The following GIPR variants were observed in gnomAD, a reference collection of about 807,000 sequenced individuals.
GIPR encodes gastric inhibitory polypeptide receptor, also known as GIP-R.
A neutral mutation model predicts 62.2 loss-of-function variants in GIPR; 74 were observed. That is an observed-to-expected ratio of 1.19 (90% confidence interval 0.99 to 1.44). The LOEUF is 1.44. GIPR is among the 40% of genes most tolerant of loss of function. GIPR has a pLI of 0.00. For synonymous variants in GIPR, 256 were observed against 262.2 expected (o/e 0.98, Z 0.23); for missense variants, 664 against 611.8 (o/e 1.09, Z -0.90).
intron 7 of GIPR, chr19:45,675,052 C>T (rs769830591): frequency 8.7e-6 from 5 of 575,540 alleles, no homozygotes; most frequent in African/African-American, 1.9e-5. Context: ...CACTCCCATA[C>T]TGGAATTTTC....
Position 45,682,150 on chromosome 19 carries a change from AG to A in GIPR, c.*220del, listed in dbSNP as rs1287745345. 4 of 578,650 alleles carry A rather than the reference AG, an allele frequency of 6.9e-6. No homozygotes were observed. Among genetic ancestry groups the A allele is most frequent in the African/African-American group, 3.9e-5 (2 of 51,214 alleles). 35.8% of individuals were successfully genotyped at this position (578,650 alleles called of 1,614,324 possible). ...GGAATGGTTATGAAGGGAAGCGAGA[AG>A]GGGGCCTAGGGTGGTCTGGGAGGCG... On this transcript the variant is annotated 3_prime_UTR_variant, in exon 14 of 14. Transcript: ENST00000590918.
In GIPR at chr19:45,674,813, C is replaced by T. The variant is rs1800436; in HGVS notation, c.620C>T (p.Ala207Val). The change falls in exon 7 of 14, where the codon GCG (alanine) becomes GTG (valine). Residue 207 changes from alanine to valine, a missense_variant. Physicochemically the swap from Ala to Val is moderately conservative, Grantham distance 64. Coordinates refer to ENST00000590918, the MANE Select transcript of GIPR (RefSeq NM_000164.4). ...PGPYLGDQALALWNQALAACR... is the reference protein window; with the variant it reads ...PGPYLGDQALVLWNQALAACR... ...CCCTACCTTGGGGACCAGGCCCTTG[C>T]GCTGTGGAACCAGGTGGGCATCCTC... 8,173 of 1,613,940 alleles carry T rather than the reference C, an allele frequency of 5.1e-3. 27 individuals carry two copies. Among genetic ancestry groups the T allele is most frequent in the Non-Finnish European group, 6.4e-3 (7,580 of 1,179,872 alleles).
chr19:45,675,088 C>A, intron 7 of GIPR: 1 of 468,414 alleles, frequency 2.1e-6, no homozygotes, highest in Non-Finnish European at 4.1e-6. Flanking sequence ...TTATTTCACC[C>A]ATCATTGAAC....
Position 45,677,797 on chromosome 19 carries a change from T to C in GIPR, c.924+18T>C. On this transcript the variant is annotated intron_variant, in intron 10 of 13. Coordinates refer to ENST00000590918, the MANE Select transcript of GIPR (RefSeq NM_000164.4). ...CCATCTTGGTAGGATCGGTCCCGCCTCCACCAGGCCGCCCTCAGGGATTTC... is the reference window on the plus strand; with the variant it reads ...CCATCTTGGTAGGATCGGTCCCGCCCCCACCAGGCCGCCCTCAGGGATTTC... The C allele has an allele frequency of 6.2e-7, 1 of 1,609,058 alleles. No homozygotes were observed. Among genetic ancestry groups the C allele is most frequent in the Non-Finnish European group, 8.5e-7 (1 of 1,175,456 alleles).
intron 12 of GIPR, 113 bp downstream of exon 12, chr19:45,678,339 G>A: frequency 1.6e-5 from 19 of 1,183,982 alleles, no homozygotes; most frequent in Non-Finnish European, 2.2e-5. Context: ...TGGGAAGATG[G>A]GATTTAGTTC....
At position 45,678,192 on chromosome 19, in the gene GIPR, A is replaced by G. The variant is rs1283055836; in HGVS notation, c.1118A>G (p.Lys373Arg). The change falls in exon 12 of 14, where the codon AAG becomes AGG. Residue 373 changes from lysine to arginine, a missense_variant. Physicochemically the swap from Lys to Arg is conservative, Grantham distance 26. Coordinates refer to ENST00000590918, the MANE Select transcript of GIPR (RefSeq NM_000164.4). Reference protein sequence around the residue: ...EQARGALRFAKLGFEIFLSSF... With the variant: ...EQARGALRFARLGFEIFLSSF... The stretch of plus-strand genomic sequence containing the variant: ...GCCCGGGGCGCCCTGCGCTTCGCCA[A>G]GCTCGGCTTTGAGATCTTCCTCAGC... 28 of 1,586,130 alleles carry G rather than the reference A, an allele frequency of 1.8e-5. No individual in the cohort carries two copies. The East Asian group carries it at 4.4e-4, about 25-fold the overall frequency.
rs1046450682 is a variant in GIPR, at chr19:45,670,865, C to T, written c.172+131C>T. 5 of 634,702 alleles carry T rather than the reference C, an allele frequency of 7.9e-6. No homozygotes were observed. The African/African-American group carries it at 9.2e-5, about 12-fold the overall frequency. The allele number at this position is 634,702 out of a possible 1,614,324, so 39.3% of individuals were successfully genotyped here. A position where few individuals can be genotyped will look rare whatever the true frequency, so the allele number is the denominator to read the frequency against. On this transcript the variant is annotated intron_variant, in intron 3 of 13. Coordinates refer to ENST00000590918, the MANE Select transcript of GIPR (RefSeq NM_000164.4). ...GGGCTGGAGAGGCCCGGGGACTGAC[C>T]TGAGCATGGTGGGAACTGGGGCGGG...
chr19:45,674,943 G>A, intron 7 of GIPR, 117 bp downstream of exon 7: 1 of 1,075,434 alleles, frequency 9.3e-7, no homozygotes, highest in Non-Finnish European at 1.4e-6. Flanking sequence ...AGTTGGGAGG[G>A]TCCCTCTCCA....
intron 5 of GIPR, 38 bp from the exon 6 acceptor site, chr19:45,674,036 G>A (rs1258269256): frequency 1.6e-6 from 2 of 1,239,854 alleles, no homozygotes; most frequent in Admixed American, 3.4e-5. Context: ...GGGGCTTCGA[G>A]CCAAGCCTTG....
intron 6 of GIPR, 172 bp downstream of exon 6, chr19:45,674,349 T>C (rs1457987862): frequency 5.8e-6 from 4 of 687,622 alleles, no homozygotes; most frequent in African/African-American, 1.8e-5. Flanking sequence ...GGCTGATGCC[T>C]GTAATCCCAG....
At chr19:45,669,854 C>A (rs1975444806) in intron 2 of GIPR, among the ~76,000 whole-genome samples, 1 of 150,562 alleles carries the variant, frequency 6.6e-6, no homozygotes, top group African/African-American at 2.4e-5. Context: ...AAGGCTGAGG[C>A]AGGAGAATCG....
chr19:45,680,581 G>A (rs1389928676), intron 12 of GIPR, among the ~76,000 whole-genome samples: 2 of 151,822 alleles, frequency 1.3e-5, no homozygotes, highest in East Asian at 3.9e-4. Flanking sequence ...TGTAATCCTA[G>A]CACTTTGGGA....
At position 45,678,349 on chromosome 19, in the gene GIPR, C is replaced by G. The variant is rs1016734943; in HGVS notation, c.1152+123C>G. The G allele has an allele frequency of 1.6e-5, 17 of 1,076,184 alleles. No homozygotes were observed. In the African/African-American group the frequency reaches 2.4e-4, roughly 15 times the overall value. The allele number at this position is 1,076,184 out of a possible 1,614,324, so 66.7% of individuals were successfully genotyped here. A position where few individuals can be genotyped will look rare whatever the true frequency, so the allele number is the denominator to read the frequency against. The stretch of plus-strand genomic sequence containing the variant: ...TGGGGTGGGAAGATGGGATTTAGTT[C>G]GTTCATTAATTAATTCATTCTTTTT... On this transcript the variant is annotated intron_variant, in intron 12 of 13. Coordinates refer to ENST00000590918, the MANE Select transcript of GIPR (RefSeq NM_000164.4).
chr19:45,677,691 T>A lies in GIPR; in HGVS notation c.855-19T>A, dbSNP rs1226605590. On this transcript the variant is annotated intron_variant, in intron 9 of 13. Coordinates refer to ENST00000590918, the MANE Select transcript of GIPR (RefSeq NM_000164.4). ...GTCTAGAGTTTTTCTATCTCTTAGCTCTACTCCGCCTTCCCCAGGTGCTGG... is the reference window on the plus strand; with the variant it reads ...GTCTAGAGTTTTTCTATCTCTTAGCACTACTCCGCCTTCCCCAGGTGCTGG... The A allele has an allele frequency of 6.2e-7, 1 of 1,601,912 alleles. No homozygotes were observed. The highest frequency in any genetic ancestry group is 2.2e-5 in the East Asian group (1 of 44,752).
intron 4 of GIPR, 92 bp from the exon 5 acceptor site, chr19:45,672,759 C>T: frequency 1.3e-6 from 1 of 759,006 alleles, no homozygotes; most frequent in Non-Finnish European, 2.4e-6. Flanking sequence ...ACCACTTCGG[C>T]TCTCTCCCTC....
intron 1 of GIPR, among the ~76,000 whole-genome samples, chr19:45,668,594 G>A (rs1317711617): frequency 6.6e-6 from 1 of 152,030 alleles, no homozygotes; most frequent in Non-Finnish European, 1.5e-5. Flanking sequence ...TCTCTGGCTG[G>A]GGGTCTCATT....
At chr19:45,674,303 G>A (rs1975716812) in intron 6 of GIPR, 126 bp downstream of exon 6, 3 of 765,074 alleles carry the variant, frequency 3.9e-6, no homozygotes. Context: ...GGAGCAGTGG[G>A]GGTGGTTAAA....
chr19:45,682,028 G>A lies in GIPR; in HGVS notation c.*93G>A. On this transcript the variant is annotated 3_prime_UTR_variant, in exon 14 of 14. Coordinates refer to ENST00000590918, the MANE Select transcript of GIPR (RefSeq NM_000164.4). ...GTACGGAGGACGCTGGGGAAATGGT[G>A]AAGGAAACAGAAAAAAGGTCCCTGC... The A allele has an allele frequency of 9.0e-7, 1 of 1,116,026 alleles. No individual in the cohort carries two copies. 69.1% of individuals were successfully genotyped at this position (1,116,026 alleles called of 1,614,324 possible). A position where few individuals can be genotyped will look rare whatever the true frequency, so the allele number is the denominator to read the frequency against.
intron 6 of GIPR, 31 bp downstream of exon 6, chr19:45,674,208 G>A (rs754873034): frequency 7.2e-7 from 1 of 1,390,242 alleles, no homozygotes; most frequent in Non-Finnish European, 1.0e-6. Context: ...GGTGGCGGCA[G>A]AGATGTGAGC....
Sources: allele counts gnomAD v4.1 joint callset (sites outside exome capture counted in the v4.1 genomes callset), GRCh38; gene constraint gnomAD v4.1.1; transcripts MANE v1.5; gene names NCBI Gene and HGNC (gene_info 2026-07-23, HGNC 2026-07-21).